ZNF407: variants seen among roughly 807,000 people sequenced by gnomAD.
ZNF407 encodes the protein zinc finger protein 407.
A neutral mutation model predicts 131.2 loss-of-function variants in ZNF407; 17 were observed. That is an observed-to-expected ratio of 0.13 (90% CI 0.09 to 0.19). The LOEUF (loss-of-function observed/expected upper bound fraction) is 0.19, where lower values mean the gene tolerates loss of function less well. ZNF407 is among the 10% of genes least tolerant of loss of function. The pLI is 1.00. For missense variants in ZNF407, 2,681 were observed against 2,830.6 expected, an observed-to-expected ratio of 0.95 and a Z score of 1.20; for synonymous variants, 1,156 against 1,062.0, an observed-to-expected ratio of 1.09 and a Z score of -1.72.
intron 8 of ZNF407, among the ~76,000 whole-genome samples, chr18:75,040,969 A>G (rs940175197): frequency 6.6e-6 from 1 of 152,132 alleles, no homozygotes; most frequent in Non-Finnish European, 1.5e-5. Context: ...AGAAGCTGCA[A>G]TTACTTTGGT....
At chr18:74,725,441 G>A (rs1055322502) in intron 3 of ZNF407, among the ~76,000 whole-genome samples, 11 of 152,140 alleles carry the variant, frequency 7.2e-5, no homozygotes, top group Non-Finnish European at 1.2e-4. Context: ...ATTTTTATGG[G>A]AGACGAGACA....
chr18:74,795,486 T>C (rs543400608), intron 4 of ZNF407, among the ~76,000 whole-genome samples: 68 of 152,360 alleles, frequency 4.5e-4, no homozygotes, highest in African/African-American at 1.6e-3. Context: ...ATTTTGAAAT[T>C]ATGAATTTTG....
intron 6 of ZNF407, among the ~76,000 whole-genome samples, chr18:74,886,056 A>G (rs1384166157): frequency 6.6e-6 from 1 of 152,224 alleles, no homozygotes; most frequent in Non-Finnish European, 1.5e-5. Context: ...GAGAAAGTAT[A>G]TTTAAGTGAC....
chr18:75,056,764 A>G (rs539884923), intron 8 of ZNF407, among the ~76,000 whole-genome samples: 4 of 152,330 alleles, frequency 2.6e-5, no homozygotes, highest in African/African-American at 7.2e-5. Context: ...GGTGACTGCT[A>G]TTGTAAGAAT....
At chr18:74,845,352 A>G (rs942107088) in intron 4 of ZNF407, among the ~76,000 whole-genome samples, 1 of 152,210 alleles carries the variant, frequency 6.6e-6, no homozygotes, top group African/African-American at 2.4e-5. Context: ...TAATGGAGAG[A>G]TAGCGAGAAT....
At chr18:74,905,187 A>G (rs773833558) in intron 7 of ZNF407, 1 of 152,244 alleles carries the variant, frequency 6.6e-6, no homozygotes, top group Non-Finnish European at 1.5e-5. Flanking sequence ...TAAAAAATTC[A>G]TTTTGAAAGT....
intron 3 of ZNF407, among the ~76,000 whole-genome samples, chr18:74,664,706 CTCTCTCTCTT>C (rs1213045648): frequency 1.3e-5 from 2 of 152,064 alleles, no homozygotes; most frequent in Non-Finnish European, 2.9e-5. Flanking sequence ...CTCTCTGTCT[CTCTCTCTCTT>C]TCTCTCTCTT....
chr18:74,956,826 C>T (rs1307837688), intron 8 of ZNF407, among the ~76,000 whole-genome samples: 1 of 152,138 alleles, frequency 6.6e-6, no homozygotes, highest in Non-Finnish European at 1.5e-5. Flanking sequence ...CTTCAGGTTG[C>T]AGTTCTTGAA....
At chr18:74,899,261 TAA>T (rs1971492001) in intron 7 of ZNF407, among the ~76,000 whole-genome samples, 1 of 152,180 alleles carries the variant, frequency 6.6e-6, no homozygotes, top group African/African-American at 2.4e-5. Flanking sequence ...GGAGACCATT[TAA>T]AAGACAATTG....
chr18:74,644,545 T>C (rs568220192), intron 3 of ZNF407, among the ~76,000 whole-genome samples: 79 of 152,008 alleles, frequency 5.2e-4, no homozygotes, highest in Admixed American at 2.6e-3. Flanking sequence ...TAAATTCTTT[T>C]AAGTTTATTT....
intron 3 of ZNF407, among the ~76,000 whole-genome samples, chr18:74,698,533 G>A (rs529297932): frequency 2.6e-5 from 4 of 152,270 alleles, no homozygotes; most frequent in African/African-American, 9.6e-5. Context: ...GGAGTACTCC[G>A]TATGTGTGTG....
At chr18:74,672,813 A>T (rs1397974919) in intron 3 of ZNF407, among the ~76,000 whole-genome samples, 1 of 152,146 alleles carries the variant, frequency 6.6e-6, no homozygotes, top group Non-Finnish European at 1.5e-5. Flanking sequence ...CTTTTAATGA[A>T]CCTATAATAC....
chr18:75,038,793 A>G (rs1973339701), intron 8 of ZNF407, among the ~76,000 whole-genome samples: 2 of 152,340 alleles, frequency 1.3e-5, no homozygotes, highest in Admixed American at 1.3e-4. Context: ...TAATCTTCCA[A>G]GCATACACAT....
chr18:74,704,304 G>A (rs1044928023), intron 3 of ZNF407, among the ~76,000 whole-genome samples: 7 of 152,164 alleles, frequency 4.6e-5, no homozygotes, highest in African/African-American at 7.2e-5. Context: ...CTACATCAGG[G>A]TCCCATAGCC....
intron 8 of ZNF407, among the ~76,000 whole-genome samples, chr18:75,000,002 C>T (rs1972827165): frequency 6.6e-6 from 1 of 152,066 alleles, no homozygotes; most frequent in Admixed American, 6.5e-5. Context: ...GGATTGATAC[C>T]TGATATATTT....
intron 8 of ZNF407, among the ~76,000 whole-genome samples, chr18:75,027,929 C>A (rs1414380030): frequency 6.6e-6 from 1 of 152,136 alleles, no homozygotes; most frequent in Non-Finnish European, 1.5e-5. Context: ...TCCTGTAGAA[C>A]CTGTGAGAGA....
intron 7 of ZNF407, among the ~76,000 whole-genome samples, chr18:74,893,234 A>G (rs1477285186): frequency 3.9e-5 from 6 of 152,194 alleles, no homozygotes; most frequent in Admixed American, 3.3e-4. Flanking sequence ...TCTATAAATA[A>G]AAGACTTATG....
At chr18:74,835,521 A>G (rs547520698) in intron 4 of ZNF407, among the ~76,000 whole-genome samples, 1 of 152,090 alleles carries the variant, frequency 6.6e-6, no homozygotes, top group African/African-American at 2.4e-5. Context: ...CTACATAAGA[A>G]CACACTGAAG....
intron 1 of ZNF407, among the ~76,000 whole-genome samples, chr18:74,630,095 T>C (rs1232992564): frequency 6.6e-6 from 1 of 152,098 alleles, no homozygotes; most frequent in Non-Finnish European, 1.5e-5. Context: ...ATACGTGTTG[T>C]TCATTGGAAT....
Sources: gnomAD v4.1 joint callset for allele counts (sites outside exome capture counted in the v4.1 genomes callset) on GRCh38, gnomAD v4.1.1 for gene constraint, MANE v1.5 for transcripts, NCBI Gene and HGNC (gene_info 2026-07-23, HGNC 2026-07-21) for gene names.